The following USP34 variants were observed in gnomAD, a reference collection of about 807,000 sequenced individuals.
USP34 encodes ubiquitin carboxyl-terminal hydrolase 34.
A neutral mutation model predicts 460.3 loss-of-function variants in USP34; 70 were observed. That is an observed-to-expected ratio of 0.15 (90% CI 0.13 to 0.19). USP34 has a LOEUF of 0.19. Ranked by LOEUF, USP34 falls within the 10% of genes least tolerant of loss-of-function variation. The pLI is 1.00. For missense variants in USP34, 3,985 were observed against 4,236.2 expected (o/e 0.94, Z 1.65); for synonymous variants, 1,647 against 1,405.3 (o/e 1.17, Z -3.85).
chr2:61,278,173 C>T lies in USP34; in HGVS notation c.5425G>A (p.Glu1809Lys), dbSNP rs764246487. ...KHKPPFKFSR[E>K]GQEFLRDIFN... ...ATTATCTTAACACTTACCTGTCCTT[C>T]CCTTGAAAATTTAAAGGGTGGTTTG... Residue 1809 changes from glutamate (E) to lysine (K), a missense_variant, in exon 41 of 80, where the codon GAA (glutamate) becomes AAA (lysine). Transcript: ENST00000398571. 6.2e-7 allele frequency: 1 copy of T among 1,612,788 alleles called. No individual in the cohort carries two copies. The highest frequency in any genetic ancestry group is 1.7e-5 in the Admixed American group (1 of 59,862).
intron 53 of USP34, among the ~76,000 whole-genome samples, chr2:61,236,747 G>T (rs1688080756): frequency 6.6e-6 from 1 of 152,042 alleles, no homozygotes; most frequent in African/African-American, 2.4e-5. Context: ...TTAAAAGTTG[G>T]CACAATACTT....
chr2:61,311,732 A>G (rs1324264318), intron 26 of USP34, 45 bp from the exon 27 acceptor site: 1 of 1,609,540 alleles, frequency 6.2e-7, no homozygotes, highest in Non-Finnish European at 8.5e-7. Flanking sequence ...AAAAGAACAG[A>G]TATTTGACCT....
chr2:61,447,147 C>T (rs1426328071), intron 1 of USP34, among the ~76,000 whole-genome samples: 1 of 147,540 alleles, frequency 6.8e-6, no homozygotes, highest in Non-Finnish European at 1.5e-5. Flanking sequence ...CTCAGCTACT[C>T]GGGAGGCTGA....
At chr2:61,386,466 C>T (rs924371125) in intron 5 of USP34, among the ~76,000 whole-genome samples, 5 of 151,956 alleles carry the variant, frequency 3.3e-5, no homozygotes, top group Non-Finnish European at 7.4e-5. Flanking sequence ...GTTTCCTGAT[C>T]AAGGTAAGCA....
intron 39 of USP34, 86 bp from the exon 40 acceptor site, chr2:61,278,529 G>T: frequency 1.9e-6 from 2 of 1,068,264 alleles, no homozygotes; most frequent in Non-Finnish European, 2.6e-6. Context: ...TTCCTTATAG[G>T]TAACAATAAT....
chr2:61,412,460 A>G (rs1004788275), intron 2 of USP34, among the ~76,000 whole-genome samples: 10 of 152,266 alleles, frequency 6.6e-5, no homozygotes, highest in Non-Finnish European at 1.2e-4. Flanking sequence ...ATGCAAATAC[A>G]TATCATATAC....
In USP34 at chr2:61,199,349, A is replaced by G. The variant is rs1403750641; in HGVS notation, c.9508+3791T>C. Among the ~76,000 whole-genome samples, 3 of 151,972 alleles carry G rather than the reference A, an allele frequency of 2.0e-5. No individual in the cohort carries two copies. In the East Asian group the frequency reaches 5.8e-4, roughly 29 times the overall value. On this transcript the variant is annotated intron_variant, in intron 75 of 79. Coordinates refer to ENST00000398571, the MANE Select transcript of USP34 (RefSeq NM_014709.4). ...CGGCTCACTGCAACCTCCGCCTCCC[A>G]GGCTCAAGCGATTCTCCTGCCTCAG...
In USP34 at chr2:61,255,174, A is replaced by G. The variant is rs939707300; in HGVS notation, c.6221+1210T>C. Among the ~76,000 whole-genome samples the G allele has an allele frequency of 3.3e-5, 5 of 152,210 alleles. No individual in the cohort carries two copies. The East Asian group carries it at 9.6e-4, about 29-fold the overall frequency. ...CCACTAAATTATTATTTTCCAAGAAATTCTACTGAAAATGAAAGCTGAGGA... is the reference window on the plus strand; with the variant it reads ...CCACTAAATTATTATTTTCCAAGAAGTTCTACTGAAAATGAAAGCTGAGGA... On this transcript the variant is annotated intron_variant, in intron 48 of 79. Transcript: ENST00000398571.
intron 3 of USP34, among the ~76,000 whole-genome samples, chr2:61,397,124 G>C (rs552690789): frequency 3.1e-4 from 47 of 152,188 alleles, no homozygotes; most frequent in Non-Finnish European, 3.5e-4. Context: ...TTCAAAGTCT[G>C]TATTTTGTAT....
intron 2 of USP34, among the ~76,000 whole-genome samples, chr2:61,418,478 T>C (rs1471061582): frequency 1.3e-5 from 2 of 152,210 alleles, no homozygotes; most frequent in East Asian, 1.9e-4. Context: ...ACGAAAGCTT[T>C]TTCCCTCTAG....
chr2:61,280,360 A>G lies in USP34; in HGVS notation c.5152-12T>C. 7.5e-7 allele frequency: 1 copy of G among 1,340,830 alleles called. No homozygotes were observed. The highest frequency in any genetic ancestry group is 1.0e-6 in the Non-Finnish European group (1 of 999,014). 83.1% of individuals were successfully genotyped at this position (1,340,830 alleles called of 1,614,324 possible). ...TCATAATCATCTATCTATTAAAAAA[A>G]TTTTATACTTTGTGAAAACATTTTA... On this transcript the variant is annotated splice_polypyrimidine_tract_variant and intron_variant, in intron 38 of 79. Transcript: ENST00000398571.
At chr2:61,375,768 CAAAA>C (rs56304309) in intron 8 of USP34, among the ~76,000 whole-genome samples, 182 of 80,850 alleles carry the variant, frequency 2.3e-3, no homozygotes, top group Middle Eastern at 8.1e-3. Flanking sequence ...GACTCTGTCT[CAAAA>C]AAAAAAAAAA....
chr2:61,331,960 C>T (rs1691280840), intron 19 of USP34, among the ~76,000 whole-genome samples: 2 of 151,940 alleles, frequency 1.3e-5, no homozygotes, highest in Non-Finnish European at 2.9e-5. Flanking sequence ...CTAAAATGTA[C>T]AGATGTAGAA....
chr2:61,353,809 A>G (rs1373335513), intron 10 of USP34, among the ~76,000 whole-genome samples: 2 of 152,174 alleles, frequency 1.3e-5, no homozygotes, highest in African/African-American at 2.4e-5. Flanking sequence ...CAAAATGAGA[A>G]TATCAGCAAA....
At chr2:61,284,626 T>G (rs115531096) in intron 35 of USP34, among the ~76,000 whole-genome samples, 1 of 152,156 alleles carries the variant, frequency 6.6e-6, no homozygotes, top group Non-Finnish European at 1.5e-5. Context: ...TGAACAGTCA[T>G]GATATCTGCA....
intron 1 of USP34, among the ~76,000 whole-genome samples, chr2:61,435,277 T>G (rs991556789): frequency 7.5e-5 from 9 of 120,012 alleles, no homozygotes; most frequent in African/African-American, 2.9e-4. Flanking sequence ...GTATTCTATC[T>G]AGCCTGGGCA....
intron 41 of USP34, among the ~76,000 whole-genome samples, chr2:61,266,547 A>G (rs960234912): frequency 6.6e-6 from 1 of 152,232 alleles, no homozygotes; most frequent in Admixed American, 6.5e-5. Context: ...TAGCAACAAT[A>G]ACAGTGGCAA....
chr2:61,348,063 A>C lies in USP34; in HGVS notation c.2092T>G (p.Ser698Ala). The C allele has an allele frequency of 6.2e-7, 1 of 1,614,182 alleles. No individual in the cohort carries two copies. The highest frequency in any genetic ancestry group is 8.5e-7 in the Non-Finnish European group (1 of 1,180,022). The change falls in exon 15 of 80, where the codon TCT becomes GCT. Residue 698 changes from serine (S) to alanine (A), a missense_variant. Transcript: ENST00000398571. The stretch of plus-strand genomic sequence containing the variant: ...GAAATATCATGTTCTGGGTCTTCAG[A>C]GTGTGAACAAGCATCCAGCATTCGC... Reference protein sequence around the residue: ...RMRMLDACSHSEDPEHDISGE... With the variant: ...RMRMLDACSHAEDPEHDISGE...
Position 61,227,131 on chromosome 2 carries a change from G to T in USP34, c.7531C>A (p.Pro2511Thr). ...ILSLAEEKYR[P>T]AALEKMIALV... The stretch of plus-strand genomic sequence containing the variant: ...GCTATCATCTTTTCAAGGGCAGCTG[G>T]CCTGTATTTTTCTTCTGCCAGAGAG... The change falls in exon 62 of 80, where the codon CCA (proline) becomes ACA (threonine). Residue 2511 changes from proline to threonine, a missense_variant. Coordinates refer to ENST00000398571, the MANE Select transcript of USP34 (RefSeq NM_014709.4). 1 of 1,614,000 alleles carries T rather than the reference G, an allele frequency of 6.2e-7. No individual in the cohort carries two copies. The highest frequency in any genetic ancestry group is 1.1e-5 in the South Asian group (1 of 91,058).
Sources: allele counts gnomAD v4.1 joint callset (sites outside exome capture counted in the v4.1 genomes callset), GRCh38; gene constraint gnomAD v4.1.1; transcripts MANE v1.5; gene names NCBI Gene and HGNC (gene_info 2026-07-23, HGNC 2026-07-21).